PAK3: variants seen among roughly 807,000 people sequenced by gnomAD.
PAK3 encodes p21 (RAC1) activated kinase 3, also known as serine/threonine-protein kinase PAK 3.
A neutral mutation model predicts 41.0 loss-of-function variants in PAK3; 4 were observed. The ratio of observed to expected loss-of-function variants is 0.10; its 90% confidence interval spans 0.05 to 0.22. The LOEUF is 0.22. Ranked by LOEUF, PAK3 falls within the 10% of genes least tolerant of loss-of-function variation. The pLI, the probability that PAK3 is intolerant of heterozygous loss-of-function variation, is 1.00. For missense variants in PAK3, 205 were observed against 409.9 expected (o/e 0.50, Z 4.32); for synonymous variants, 146 against 139.6 (o/e 1.05, Z -0.32).
chrX:110,947,192 A>G (rs1301303122), intron 1 of PAK3, among the ~76,000 whole-genome samples: 1 of 111,745 alleles, frequency 8.9e-6, no homozygotes, highest in Non-Finnish European at 1.9e-5. Context: ...CCCTTAAATG[A>G]AGACCAAAAA....
At chrX:111,167,780 G>A (rs1483584377) in intron 10 of PAK3, among the ~76,000 whole-genome samples, 4 of 110,465 alleles carry the variant, frequency 3.6e-5, no homozygotes, top group Non-Finnish European at 5.7e-5. Flanking sequence ...TGTAGATGAC[G>A]GGTTGATAGG....
intron 1 of PAK3, among the ~76,000 whole-genome samples, chrX:110,999,392 G>T (rs1198264169): frequency 1.8e-5 from 2 of 111,812 alleles, no homozygotes; most frequent in Non-Finnish European, 3.8e-5. Flanking sequence ...GCTCTTGCAT[G>T]GTGCCTATGA....
At chrX:110,984,783 C>T (rs959558150) in intron 1 of PAK3, among the ~76,000 whole-genome samples, 2 of 110,839 alleles carry the variant, frequency 1.8e-5, no homozygotes, top group Admixed American at 9.6e-5. Context: ...CCCCCGCCCC[C>T]GCCAAATCTC....
intron 1 of PAK3, among the ~76,000 whole-genome samples, chrX:111,044,671 A>G (rs898349914): frequency 2.7e-5 from 3 of 112,168 alleles, no homozygotes; most frequent in African/African-American, 9.7e-5. Flanking sequence ...ATTGTCTCCC[A>G]TCTTCTAGTA....
intron 1 of PAK3, among the ~76,000 whole-genome samples, chrX:111,078,537 C>T (rs747082638): frequency 9.0e-6 from 1 of 111,070 alleles, no homozygotes; most frequent in Non-Finnish European, 1.9e-5. Context: ...TATGTTCTGA[C>T]TGCTCCACCA....
At chrX:111,064,597 G>C (rs188689906) in intron 1 of PAK3, among the ~76,000 whole-genome samples, 3 of 111,926 alleles carry the variant, frequency 2.7e-5, no homozygotes, top group African/African-American at 9.7e-5. Flanking sequence ...GTCTCCAGCT[G>C]CATCCATGTT....
At chrX:111,078,424 C>A (rs1307993345) in intron 1 of PAK3, among the ~76,000 whole-genome samples, 1 of 110,874 alleles carries the variant, frequency 9.0e-6, no homozygotes, top group Non-Finnish European at 1.9e-5. Flanking sequence ...ATTCTTATAT[C>A]TATTATATTG....
At chrX:110,944,418 A>C (rs981819736) in exon 1 of PAK3, 1 of 112,998 alleles carries the variant, frequency 8.8e-6, no homozygotes, top group Non-Finnish European at 1.9e-5. Flanking sequence ...AGCAGCTGCC[A>C]CCGAAGCAGC....
chrX:111,095,324 C>G (rs1217422131), upstream of PAK3, among the ~76,000 whole-genome samples: 1 of 112,080 alleles, frequency 8.9e-6, no homozygotes, highest in African/African-American at 3.2e-5. Flanking sequence ...ATTTGAATGT[C>G]CTTATTGTTT....
intron 1 of PAK3, among the ~76,000 whole-genome samples, chrX:111,005,410 C>T (rs1461293964): frequency 1.8e-5 from 2 of 111,569 alleles, no homozygotes; most frequent in African/African-American, 6.5e-5. Flanking sequence ...GTAGACTGAC[C>T]AGCTAGATTG....
intron 1 of PAK3, among the ~76,000 whole-genome samples, chrX:110,955,322 C>T (rs762378416): frequency 1.9e-4 from 21 of 112,055 alleles, no homozygotes; most frequent in African/African-American, 5.5e-4. Flanking sequence ...TTTTCTTTCC[C>T]GCAGCTCTTT....
chrX:111,140,402 A>G (rs2093854155), intron 5 of PAK3, among the ~76,000 whole-genome samples: 1 of 111,874 alleles, frequency 8.9e-6, no homozygotes, highest in Admixed American at 9.5e-5. Context: ...AAAGAGAAAA[A>G]GTAAGAAAAT....
chrX:110,976,776 G>A (rs1228776033), intron 1 of PAK3, among the ~76,000 whole-genome samples: 1 of 111,589 alleles, frequency 9.0e-6, no homozygotes, highest in Non-Finnish European at 1.9e-5. Context: ...ATACTATGCA[G>A]CCATAAAAAG....
intron 11 of PAK3, among the ~76,000 whole-genome samples, chrX:111,180,536 G>A (rs1489394240): frequency 8.9e-6 from 1 of 111,981 alleles, no homozygotes; most frequent in Middle Eastern, 4.6e-3. Context: ...ATTTTTATAA[G>A]AACTTGCATA....
In PAK3 at chrX:110,955,168, G is replaced by C. The variant is rs749674663; in HGVS notation, c.-28+10540G>C. 1.8e-4 allele frequency among the ~76,000 whole-genome samples: 20 copies of C among 112,158 alleles called. No homozygotes were observed. In the East Asian group the frequency reaches 4.8e-3, roughly 27 times the overall value. The stretch of plus-strand genomic sequence containing the variant: ...CATGAACATAACCAAAGCATGCACT[G>C]CAATTTCCAGACTATACGTATGGGA... On this transcript the variant is annotated intron_variant, in intron 1 of 14. Transcript: ENST00000425146.
At chrX:111,180,348 G>A (rs1464133287) in intron 11 of PAK3, among the ~76,000 whole-genome samples, 1 of 111,349 alleles carries the variant, frequency 9.0e-6, no homozygotes. Flanking sequence ...TTGCAGTTAT[G>A]TGGTCATACC....
intron 16 of PAK3, among the ~76,000 whole-genome samples, chrX:111,199,346 A>G (rs60351639): frequency 0.19 from 21,447 of 110,589 alleles, 4,607 homozygotes; most frequent in African/African-American, 0.63. Context: ...CTCTGGCTAG[A>G]ACTTCTAACA....
intron 1 of PAK3, among the ~76,000 whole-genome samples, chrX:110,999,876 G>A (rs2091817151): frequency 9.0e-6 from 1 of 110,768 alleles, no homozygotes; most frequent in Non-Finnish European, 1.9e-5. Context: ...TGGGAGGCAC[G>A]AGAATCGCTT....
chrX:111,222,899 C>A lies in PAK3; in HGVS notation c.*2452C>A, dbSNP rs1323977854. 9.0e-6 allele frequency: 1 copy of A among 111,059 alleles called. No homozygotes were observed. Among genetic ancestry groups the A allele is most frequent in the Non-Finnish European group, 1.9e-5 (1 of 52,938 alleles). The allele number at this position is 111,059 out of a possible 1,213,427, so 9.2% of individuals were successfully genotyped here. The stretch of plus-strand genomic sequence containing the variant: ...GGTACTTCTTTACTACCACTTTGTA[C>A]CAAGATTTGATAATAATATATCCCA... On this transcript the variant is annotated 3_prime_UTR_variant, in exon 18 of 18. Coordinates refer to ENST00000372007, the MANE Select transcript of PAK3 (RefSeq NM_002578.5).
Sources: allele counts gnomAD v4.1 joint callset (sites outside exome capture counted in the v4.1 genomes callset), GRCh38; gene constraint gnomAD v4.1.1; transcripts MANE v1.5; gene names NCBI Gene and HGNC (gene_info 2026-07-23, HGNC 2026-07-21).